The following GNG7 variants were observed in gnomAD, a reference collection of about 807,000 sequenced individuals.
GNG7 encodes G protein subunit gamma 7.
Under a neutral mutation model 4.0 loss-of-function variants are expected in GNG7, and 1 was observed. The observed-to-expected ratio is 0.25, with a 90% CI of 0.09 to 1.18. GNG7 has a LOEUF of 1.18. GNG7 is among the 50% of genes most tolerant of loss of function. The pLI, the probability that GNG7 is intolerant of heterozygous loss-of-function variation, is 0.50. For missense variants in GNG7, 86 were observed against 91.9 expected, an observed-to-expected ratio of 0.94 and a Z score of 0.26; for synonymous variants, 34 against 36.9, an observed-to-expected ratio of 0.92 and a Z score of 0.29.
At chr19:2,581,449 G>T (rs1980504006) in intron 2 of GNG7, among the ~76,000 whole-genome samples, 1 of 152,066 alleles carries the variant, frequency 6.6e-6, no homozygotes, top group Non-Finnish European at 1.5e-5. Flanking sequence ...AACCACAGGG[G>T]GGTGAGAACA....
chr19:2,681,539 G>A (rs1490402795), intron 1 of GNG7, among the ~76,000 whole-genome samples: 1 of 152,146 alleles, frequency 6.6e-6, no homozygotes, highest in African/African-American at 2.4e-5. Context: ...AAAGCGCTGG[G>A]ATCACTAGCA....
Position 2,614,698 on chromosome 19 carries a change from C to T in GNG7, c.-78+31526G>A, listed in dbSNP as rs1981671339. On this transcript the variant is annotated intron_variant, in intron 2 of 4. Transcript: ENST00000382159. This position sits in a 1 kb window ranked among gnomAD's most constrained non-coding sequence, Gnocchi z 6.0. Reference sequence around the variant, plus strand: ...TTATCTATTTACCCACGGACGGACACTTGGGTCATTTCCACCTTTTAGCCA... The same window carrying T: ...TTATCTATTTACCCACGGACGGACATTTGGGTCATTTCCACCTTTTAGCCA... Among the ~76,000 whole-genome samples the T allele has an allele frequency of 6.6e-6, 1 of 152,206 alleles. No homozygotes were observed. Among genetic ancestry groups the T allele is most frequent in the African/African-American group, 2.4e-5 (1 of 41,456 alleles).
intron 3 of GNG7, among the ~76,000 whole-genome samples, chr19:2,544,810 C>T (rs1979072188): frequency 6.6e-6 from 1 of 151,822 alleles, no homozygotes; most frequent in African/African-American, 2.4e-5. Context: ...TGGGTGGAGG[C>T]CAGGGGCGCT....
At chr19:2,548,543 C>G (rs969890473) in intron 3 of GNG7, among the ~76,000 whole-genome samples, 12 of 148,972 alleles carry the variant, frequency 8.1e-5, no homozygotes, top group African/African-American at 2.7e-4. Flanking sequence ...AATCCCAGCA[C>G]TTTGGGTGGC....
chr19:2,674,134 C>T (rs867534502), intron 1 of GNG7, among the ~76,000 whole-genome samples: 3 of 152,100 alleles, frequency 2.0e-5, no homozygotes, highest in Non-Finnish European at 2.9e-5. Context: ...TGTAGTGGCA[C>T]CTTGCCTATA....
rs1290851616 is a variant in GNG7, at chr19:2,661,288, AAG to A, written c.-134-15010_-134-15009del. Among the ~76,000 whole-genome samples the A allele has an allele frequency of 3.2e-4, 15 of 47,274 alleles. 2 individuals carry two copies. Among genetic ancestry groups the A allele is most frequent in the African/African-American group, 1.4e-3 (14 of 10,156 alleles). The allele number at this position is 47,274 out of a possible 152,430, so 31.0% of individuals were successfully genotyped here. The stretch of plus-strand genomic sequence containing the variant: ...AAGAAAGAAAAGAAAGAAAGAAAGA[AAG>A]AAAGAAAGAAAGAGAAAGAAAGAAA... On this transcript the variant is annotated intron_variant, in intron 1 of 4. Transcript: ENST00000382159.
At chr19:2,615,296 G>A (rs114030461) in intron 2 of GNG7, among the ~76,000 whole-genome samples, 7,702 of 151,638 alleles carry the variant, frequency 0.051, 654 homozygotes, top group African/African-American at 0.18. Context: ...CCGCCTCCAG[G>A]GAGCCCTCCA....
chr19:2,526,452 T>A (rs1374457604), intron 3 of GNG7, among the ~76,000 whole-genome samples: 1 of 128,710 alleles, frequency 7.8e-6, no homozygotes. Flanking sequence ...ACTATAGTAT[T>A]ATACATTTAT....
chr19:2,689,283 C>T (rs1913079160), intron 1 of GNG7, among the ~76,000 whole-genome samples: 1 of 151,494 alleles, frequency 6.6e-6, no homozygotes, highest in Non-Finnish European at 1.5e-5. Context: ...TAAAATTGTT[C>T]CCAAATCATT....
At position 2,518,638 on chromosome 19, in the gene GNG7, C is replaced by T. The variant is rs539687438; in HGVS notation, c.81+1970G>A. 5.3e-5 allele frequency among the ~76,000 whole-genome samples: 8 copies of T among 152,218 alleles called. No individual in the cohort carries two copies. The South Asian group carries it at 1.0e-3, about 20-fold the overall frequency. On this transcript the variant is annotated intron_variant, in intron 4 of 4. Coordinates refer to ENST00000382159, the MANE Select transcript of GNG7 (RefSeq NM_052847.3). Reference sequence around the variant, plus strand: ...TCCCCGCTGGGAGCAAAGCAAGGGCCGGTCACCCCTTCCTAATAAATTCCC... The same window carrying T: ...TCCCCGCTGGGAGCAAAGCAAGGGCTGGTCACCCCTTCCTAATAAATTCCC...
At chr19:2,642,677 G>C (rs1211515284) in intron 2 of GNG7, 1 of 401,196 alleles carries the variant, frequency 2.5e-6, no homozygotes, top group Non-Finnish European at 5.0e-6. Context: ...ATTTTCTGTA[G>C]AGTTTAGGAT....
intron 2 of GNG7, among the ~76,000 whole-genome samples, chr19:2,590,536 AC>A (rs1568254698): frequency 7.4e-6 from 1 of 135,730 alleles, no homozygotes; most frequent in Non-Finnish European, 1.6e-5. Context: ...CACCCACCCA[AC>A]CAACCATCCA....
At chr19:2,680,936 A>G (rs927646998) in intron 1 of GNG7, among the ~76,000 whole-genome samples, 13 of 151,640 alleles carry the variant, frequency 8.6e-5, no homozygotes, top group African/African-American at 2.9e-4. Context: ...CCTCCCCGTG[A>G]GCCCTTGTGA....
chr19:2,624,625 G>A (rs1016349001), intron 2 of GNG7, among the ~76,000 whole-genome samples: 8 of 152,168 alleles, frequency 5.3e-5, no homozygotes, highest in Admixed American at 1.3e-4. Flanking sequence ...TCTGGTTGCC[G>A]GTGGTGCCAC....
At chr19:2,645,256 T>TTC (rs1982635128) in intron 2 of GNG7, among the ~76,000 whole-genome samples, 1 of 151,246 alleles carries the variant, frequency 6.6e-6, no homozygotes, top group African/African-American at 2.4e-5. Context: ...TTTTTTTTTT[T>TTC]TAGAAGGAGT....
intron 3 of GNG7, among the ~76,000 whole-genome samples, chr19:2,524,430 T>G (rs1978331614): frequency 6.6e-6 from 1 of 152,138 alleles, no homozygotes; most frequent in Non-Finnish European, 1.5e-5. Context: ...CACATGTGTA[T>G]GTGTGTGCAC....
At chr19:2,588,423 G>C (rs993669280) in intron 2 of GNG7, among the ~76,000 whole-genome samples, 1 of 152,162 alleles carries the variant, frequency 6.6e-6, no homozygotes, top group African/African-American at 2.4e-5. Context: ...AGACCTTAAC[G>C]CACGTCATGA....
At chr19:2,556,281 TAGCGGGGCTCACCCTGC>T (rs939929052) in intron 2 of GNG7, among the ~76,000 whole-genome samples, 1 of 152,192 alleles carries the variant, frequency 6.6e-6, no homozygotes, top group Admixed American at 6.5e-5. Context: ...CCGTCCTGCC[TAGCGGGGCTCACCCTGC>T]AGTGGGCTTG....
chr19:2,668,114 T>C (rs982103408), intron 1 of GNG7, among the ~76,000 whole-genome samples: 4 of 151,974 alleles, frequency 2.6e-5, no homozygotes, highest in Admixed American at 1.3e-4. Context: ...ACCATGCCAT[T>C]GGATGTGAAT....
Sources: gnomAD v4.1 joint callset for allele counts (sites outside exome capture counted in the v4.1 genomes callset) on GRCh38, gnomAD v4.1.1 for gene constraint, Gnocchi (gnomAD v3.1) non-coding constraint, MANE v1.5 for transcripts, NCBI Gene and HGNC (gene_info 2026-07-23, HGNC 2026-07-21) for gene names.